The following ANTXRL variants were observed in gnomAD, a reference collection of about 807,000 sequenced individuals.
ANTXRL encodes ANTXR like.
A neutral mutation model predicts 75.4 loss-of-function variants in ANTXRL; 63 were observed. That is an observed-to-expected ratio of 0.84 (90% CI 0.68 to 1.03). The LOEUF is 1.03. ANTXRL is among the 50% of genes least tolerant of loss of function. The probability of loss-of-function intolerance (pLI) is 0.00; values close to 1 mark genes in which losing one functional copy is unlikely to be tolerated. For synonymous variants in ANTXRL, 335 were observed against 291.3 expected (o/e 1.15, Z -1.53); for missense variants, 797 against 789.4 (o/e 1.01, Z -0.12).
In ANTXRL at chr10:46,287,479, G is replaced by A. The variant is rs1175429403; in HGVS notation, c.217G>A (p.Gly73Ser). ...RQGQAGHRCQ[G>S]SFDLYFILDK... Reference sequence around the variant, plus strand: ...GGGGCAAGCAGGTCACAGATGCCAGGGCTCATTTGACCTCTACTTCATCTT... The same window carrying A: ...GGGGCAAGCAGGTCACAGATGCCAGAGCTCATTTGACCTCTACTTCATCTT... The change falls in exon 1 of 17, where the codon GGC becomes AGC. Residue 73 changes from glycine to serine, a missense_variant. Physicochemically the swap from Gly to Ser is moderately conservative, Grantham distance 56. Coordinates refer to ENST00000620264, the MANE Select transcript of ANTXRL (RefSeq NM_001278688.3). The A allele has an allele frequency of 2.0e-6, 3 of 1,535,576 alleles. No individual in the cohort carries two copies. The African/African-American group carries it at 4.1e-5, about 21-fold the overall frequency.
chr10:46,320,536 A>G (rs1554965403), intron 16 of ANTXRL, among the ~76,000 whole-genome samples: 1 of 152,166 alleles, frequency 6.6e-6, no homozygotes, highest in East Asian at 1.9e-4. Flanking sequence ...GTTTGAGACC[A>G]GCCTGGCCAA....
intron 9 of ANTXRL, among the ~76,000 whole-genome samples, chr10:46,298,312 G>A (rs1411051019): frequency 5.3e-5 from 8 of 151,868 alleles, no homozygotes; most frequent in African/African-American, 1.9e-4. Flanking sequence ...TGAAATCTGC[G>A]GGAGAGGGTA....
At chr10:46,290,414 T>C (rs1293153903) in intron 1 of ANTXRL, among the ~76,000 whole-genome samples, 2 of 152,192 alleles carry the variant, frequency 1.3e-5, no homozygotes, top group Non-Finnish European at 2.9e-5. Context: ...AATGCTGCTA[T>C]GAACGCTGGT....
intron 9 of ANTXRL, among the ~76,000 whole-genome samples, chr10:46,300,696 C>T (rs1222562037): frequency 6.6e-6 from 1 of 152,176 alleles, no homozygotes; most frequent in Non-Finnish European, 1.5e-5. Flanking sequence ...CAAAGGGCAC[C>T]TCATCCTGGA....
At chr10:46,293,774 C>G in intron 2 of ANTXRL, 55 bp from the exon 3 acceptor site, 1 of 1,473,502 alleles carries the variant, frequency 6.8e-7, no homozygotes, top group Non-Finnish European at 9.2e-7. Context: ...GCCTCACCAC[C>G]TTGGCTTCTG....
In ANTXRL at chr10:46,297,427, G is replaced by A; in HGVS notation, c.607G>A (p.Gly203Arg). Residue 203 changes from glycine to arginine, a missense_variant, in exon 7 of 17, where the codon GGG becomes AGG. Around this residue, in one of 3 missense-constraint regions of ANTXRL, gnomAD observed 262 missense variants for 271.9 expected, o/e 0.96. Transcript: ENST00000620264. ...LREAQKARKL[G>R]ANVYTLGVAD... ...TTAGGCTCAAAAGGCTCGGAAACTG[G>A]GGGCCAACGTTTACACCCTGGGTGT... 1 of 1,535,862 alleles carries A rather than the reference G, an allele frequency of 6.5e-7. No individual in the cohort carries two copies. Among genetic ancestry groups the A allele is most frequent in the South Asian group, 1.2e-5 (1 of 84,036 alleles).
At chr10:46,316,523 T>C (rs1838733472) in intron 16 of ANTXRL, among the ~76,000 whole-genome samples, 1 of 152,120 alleles carries the variant, frequency 6.6e-6, no homozygotes, top group Non-Finnish European at 1.5e-5. Flanking sequence ...ACTGTCTGCA[T>C]TTCAGAGCTG....
chr10:46,325,291 C>G (rs1839161306), intron 16 of ANTXRL, among the ~76,000 whole-genome samples: 1 of 152,144 alleles, frequency 6.6e-6, no homozygotes, highest in Non-Finnish European at 1.5e-5. Flanking sequence ...ATCTCCTTTC[C>G]CAGTGTCCTG....
In ANTXRL at chr10:46,329,652, C is replaced by A; in HGVS notation, c.1464C>A (p.Cys488Ter). ...AGTCCCAATATGCACAGGCTCCCTG[C>A]TGCCCAAGGATCTGCTTTCCACACA... ...LAQSQYAQAPCCPRICFPHSQ... is the reference protein window; with the variant it reads ...LAQSQYAQAP Residue 488 changes from cysteine to a stop codon, truncating the protein, a stop_gained, in exon 17 of 17, where the codon TGC (cysteine) becomes TGA (stop). Transcript: ENST00000620264. LOFTEE classifies it high-confidence loss of function. 6.5e-7 allele frequency: 1 copy of A among 1,536,498 alleles called. No homozygotes were observed. The highest frequency in any genetic ancestry group is 1.2e-5 in the South Asian group (1 of 84,052).
At chr10:46,301,390 T>G (rs148815291) in intron 9 of ANTXRL, among the ~76,000 whole-genome samples, 1 of 152,330 alleles carries the variant, frequency 6.6e-6, no homozygotes, top group African/African-American at 2.4e-5. Flanking sequence ...ACAGCCTCAG[T>G]GCCCCCACCA....
At position 46,329,882 on chromosome 10, in the gene ANTXRL, C is replaced by A; in HGVS notation, c.1694C>A (p.Ser565Tyr). 7.2e-6 allele frequency: 11 copies of A among 1,535,482 alleles called. No homozygotes were observed. The highest frequency in any genetic ancestry group is 1.7e-4 in the Middle Eastern group (1 of 5,982). ...CTGAGACACAGCCCGGAGTACTTTT[C>A]CCAAGCACAGACTCTGTGCAACCCA... ...ICLRHSPEYF[S>Y]QAQTLCNPKS... The change falls in exon 17 of 17, where the codon TCC (serine) becomes TAC (tyrosine). Residue 565 changes from serine (S) to tyrosine (Y), a missense_variant. Around this residue, in one of 3 missense-constraint regions of ANTXRL, gnomAD observed 479 missense variants for 422.0 expected, o/e 1.14. Transcript: ENST00000620264.
chr10:46,299,446 C>A (rs1468218865), intron 9 of ANTXRL, among the ~76,000 whole-genome samples: 4 of 152,138 alleles, frequency 2.6e-5, no homozygotes, highest in African/African-American at 9.7e-5. Context: ...TCTGTCTGTC[C>A]TGAGCTCTTT....
At chr10:46,312,670 C>A (rs575765350) in intron 15 of ANTXRL, among the ~76,000 whole-genome samples, 1 of 147,708 alleles carries the variant, frequency 6.8e-6, no homozygotes, top group Admixed American at 6.8e-5. Context: ...TTGCAACACA[C>A]GGCCCTCATC....
chr10:46,317,695 C>T (rs895048798), intron 16 of ANTXRL, among the ~76,000 whole-genome samples: 6 of 151,384 alleles, frequency 4.0e-5, no homozygotes, highest in African/African-American at 1.5e-4. Context: ...CTCAGCACCA[C>T]CCCTCCAACC....
intron 10 of ANTXRL, among the ~76,000 whole-genome samples, chr10:46,305,193 G>A (rs1288770705): frequency 7.9e-5 from 12 of 152,126 alleles, no homozygotes; most frequent in African/African-American, 2.7e-4. Context: ...CTTCCCTGGC[G>A]GCTGATGCCA....
At chr10:46,322,555 A>G (rs913583582) in intron 16 of ANTXRL, among the ~76,000 whole-genome samples, 1 of 152,146 alleles carries the variant, frequency 6.6e-6, no homozygotes, top group Non-Finnish European at 1.5e-5. Context: ...TAAACCAAAC[A>G]TTGATTATAA....
Position 46,301,961 on chromosome 10 carries a change from A to T in ANTXRL, c.797-761A>T, listed in dbSNP as rs375169361. 5.3e-5 allele frequency among the ~76,000 whole-genome samples: 8 copies of T among 152,280 alleles called. 1 individual carries two copies. The highest frequency in any genetic ancestry group is 2.0e-4 in the Admixed American group (3 of 15,300). ...GCTCCTGGGTCCAGCCGTCACCTGCATGTGTCCCCTGTGGTCTTTGGGTCA... is the reference window on the plus strand; with the variant it reads ...GCTCCTGGGTCCAGCCGTCACCTGCTTGTGTCCCCTGTGGTCTTTGGGTCA... On this transcript the variant is annotated intron_variant, in intron 9 of 16. Coordinates refer to ENST00000620264, the MANE Select transcript of ANTXRL (RefSeq NM_001278688.3).
intron 16 of ANTXRL, among the ~76,000 whole-genome samples, chr10:46,316,645 C>T (rs1254258038): frequency 1.3e-5 from 2 of 152,128 alleles, no homozygotes; most frequent in African/African-American, 4.8e-5. Flanking sequence ...AGTCAGGTTC[C>T]ACCCCATGTC....
At chr10:46,306,003 G>A (rs1838058647) in intron 10 of ANTXRL, among the ~76,000 whole-genome samples, 1 of 152,100 alleles carries the variant, frequency 6.6e-6, no homozygotes, top group South Asian at 2.1e-4. Flanking sequence ...CAGATTCACT[G>A]CACAAGAAAT....
Sources: gnomAD v4.1 joint callset for allele counts (sites outside exome capture counted in the v4.1 genomes callset) on GRCh38, gnomAD v4.1.1 for gene constraint, gnomAD v4.1.1 regional missense constraint, MANE v1.5 for transcripts, NCBI Gene and HGNC (gene_info 2026-07-23, HGNC 2026-07-21) for gene names.